CPT1C: variants seen among roughly 807,000 people sequenced by gnomAD.
CPT1C encodes carnitine palmitoyltransferase 1C, also known as palmitoyl thioesterase CPT1C.
Under a neutral mutation model 97.3 loss-of-function variants are expected in CPT1C, and 61 were observed. The ratio of observed to expected loss-of-function variants is 0.63; its 90% CI spans 0.51 to 0.78. CPT1C has a LOEUF of 0.78. Ranked by LOEUF, CPT1C falls within the 30% of genes least tolerant of loss-of-function variation. The pLI is 0.00. For missense variants in CPT1C, 975 were observed against 1,065.5 expected, an observed-to-expected ratio of 0.92 and a Z score of 1.18; for synonymous variants, 469 against 447.2, an observed-to-expected ratio of 1.05 and a Z score of -0.61.
chr19:49,693,003 C>T (rs535807588), intron 3 of CPT1C, among the ~76,000 whole-genome samples: 147 of 152,314 alleles, frequency 9.7e-4, no homozygotes, highest in Middle Eastern at 3.4e-3. Flanking sequence ...ATTCTCCTGC[C>T]TCAGCCTCCC....
intron 4 of CPT1C, chr19:49,697,869 G>A (rs1222675574): frequency 6.1e-6 from 1 of 162,626 alleles, no homozygotes; most frequent in African/African-American, 2.4e-5. Flanking sequence ...CCAACAGGGT[G>A]AAACCCTGTC....
At position 49,704,757 on chromosome 19, in the gene CPT1C, G is replaced by C. The variant is rs750408494; in HGVS notation, c.741G>C (p.Pro247=). The change falls in exon 8 of 20, where the codon CCG becomes CCC. Residue 247 remains proline (P), a synonymous_variant. Transcript: ENST00000598293. ...TTGTGTACCTGCGCTCCCGAAATCC[G>C]CTGATGGTGAACAGCAACTATTACA... ...EEFVYLRSRN[P]LMVNSNYYMM... is the part of the protein sequence containing the mutation. 1 of 1,613,984 alleles carries C rather than the reference G, an allele frequency of 6.2e-7. No homozygotes were observed. Among genetic ancestry groups the C allele is most frequent in the Non-Finnish European group, 8.5e-7 (1 of 1,179,978 alleles).
chr19:49,712,358 AAG>A (rs1458152783), intron 17 of CPT1C: 43 of 300,006 alleles, frequency 1.4e-4, no homozygotes, highest in African/African-American at 8.3e-4. Context: ...AAAAAAAAAA[AAG>A]GAGGGTGATG....
At position 49,710,351 on chromosome 19, in the gene CPT1C, G is replaced by T. The variant is rs199956487; in HGVS notation, c.1598G>T (p.Gly533Val). The change falls in exon 15 of 20, where the codon GGA (glycine) becomes GTA (valine). Residue 533 changes from glycine (G) to valine (V), a missense_variant. By Grantham distance (109) the Gly-to-Val change is moderately radical. This residue lies in a region of CPT1C where 344 missense variants were observed against 395.7 expected (regional missense o/e 0.87). Coordinates refer to ENST00000598293, the MANE Select transcript of CPT1C (RefSeq NM_001199753.2). ...IHSSISLALR[G>V]AKILSENVDC... ...TCCTCCATCTCTCTAGCCCTGAGGGGAGCCAAGATCTTGTCTGAAAATGTC... is the reference window on the plus strand; with the variant it reads ...TCCTCCATCTCTCTAGCCCTGAGGGTAGCCAAGATCTTGTCTGAAAATGTC... 1.2e-6 allele frequency: 2 copies of T among 1,614,122 alleles called. No homozygotes were observed. Among genetic ancestry groups the T allele is most frequent in the Middle Eastern group, 1.6e-4 (1 of 6,062 alleles).
At chr19:49,699,748 A>G (rs1263055860) in intron 4 of CPT1C, among the ~76,000 whole-genome samples, 1 of 152,152 alleles carries the variant, frequency 6.6e-6, no homozygotes, top group African/African-American at 2.4e-5. Flanking sequence ...TAAGGTCAGG[A>G]GTTCGAGAGC....
At position 49,704,696 on chromosome 19, in the gene CPT1C, C is replaced by G; in HGVS notation, c.694-14C>G. ...CCCAGCCCCTCACTGTGTGTCTCCC[C>G]ACCCCGCTCCCAGGTCAGTGACTGG... On this transcript the variant is annotated splice_polypyrimidine_tract_variant and intron_variant, in intron 7 of 19. Coordinates refer to ENST00000598293, the MANE Select transcript of CPT1C (RefSeq NM_001199753.2). 2 of 1,612,568 alleles carry G rather than the reference C, an allele frequency of 1.2e-6. No homozygotes were observed. The highest frequency in any genetic ancestry group is 1.7e-6 in the Non-Finnish European group (2 of 1,179,000).
chr19:49,696,851 T>C (rs12977747), intron 3 of CPT1C, among the ~76,000 whole-genome samples: 19,200 of 152,000 alleles, frequency 0.13, 1,441 homozygotes, highest in Non-Finnish European at 0.17. Flanking sequence ...AGGCCAGTCT[T>C]GAACTCCTGG....
In CPT1C at chr19:49,706,436, C is replaced by G; in HGVS notation, c.1343+23C>G. 6.9e-7 allele frequency: 1 copy of G among 1,440,258 alleles called. No individual in the cohort carries two copies. Among genetic ancestry groups the G allele is most frequent in the Non-Finnish European group, 9.1e-7 (1 of 1,104,116 alleles). The allele number at this position is 1,440,258 out of a possible 1,614,324, so 89.2% of individuals were successfully genotyped here. ...TCGGTGAGTGAGTCTTGGGATGGGG[C>G]CCCCAGATGTGGCACCCGAGAATCC... is the stretch of plus-strand genomic sequence containing the variant. On this transcript the variant is annotated intron_variant, in intron 12 of 19. Coordinates refer to ENST00000598293, the MANE Select transcript of CPT1C (RefSeq NM_001199753.2). The surrounding 1 kb of genome is among the most constrained non-coding windows in gnomAD (Gnocchi z 4.8).
At position 49,700,103 on chromosome 19, in the gene CPT1C, C is replaced by T. The variant is rs546406368; in HGVS notation, c.282-581C>T. ...TCTACTAAAAATAACAACAAATAGC[C>T]GGGCGTGGTGGTGGGCACCTGTATT... On this transcript the variant is annotated intron_variant, in intron 4 of 19. Transcript: ENST00000598293. Among the ~76,000 whole-genome samples, 221 of 148,346 alleles carry T rather than the reference C, an allele frequency of 1.5e-3. 1 individual carries two copies. Among genetic ancestry groups the T allele is most frequent in the South Asian group, 1.5e-3 (7 of 4,686 alleles).
chr19:49,707,148 G>A (rs2083546183), intron 12 of CPT1C, among the ~76,000 whole-genome samples: 2 of 152,140 alleles, frequency 1.3e-5, no homozygotes, highest in South Asian at 4.1e-4. Context: ...GGTGGTGCAT[G>A]CTTGTGATCC....
chr19:49,695,136 G>A (rs1225822229), intron 3 of CPT1C, among the ~76,000 whole-genome samples: 2 of 151,420 alleles, frequency 1.3e-5, no homozygotes, highest in African/African-American at 2.4e-5. Flanking sequence ...GCGAGACTCC[G>A]TCTCAAAAAA....
At chr19:49,711,155 A>G in intron 16 of CPT1C, 2 of 205,754 alleles carry the variant, frequency 9.7e-6, no homozygotes, top group Non-Finnish European at 9.7e-6. Context: ...GTGCAGTGGC[A>G]CAATCTCGGC....
In CPT1C at chr19:49,705,914, A is replaced by C; in HGVS notation, c.970A>C (p.Ile324Leu). 6.2e-7 allele frequency: 1 copy of C among 1,612,956 alleles called. No individual in the cohort carries two copies. Among genetic ancestry groups the C allele is most frequent in the Non-Finnish European group, 8.5e-7 (1 of 1,179,448 alleles). The change falls in exon 11 of 20, where the codon ATC (isoleucine) becomes CTC (leucine). Residue 324 changes from isoleucine (I) to leucine (L), a missense_variant. Physicochemically the swap from Ile to Leu is conservative, Grantham distance 5. Transcript: ENST00000598293. ...TRIPGVQKDYIRHLHDSQHVA... is the reference protein window; with the variant it reads ...TRIPGVQKDYLRHLHDSQHVA... ...TCTGCCAACGCCACCCCTAGACTACATCCGCCACCTCCATGACAGCCAACA... is the reference window on the plus strand; with the variant it reads ...TCTGCCAACGCCACCCCTAGACTACCTCCGCCACCTCCATGACAGCCAACA...
intron 3 of CPT1C, among the ~76,000 whole-genome samples, chr19:49,695,584 C>A (rs1276764614): frequency 1.1e-5 from 1 of 93,184 alleles, no homozygotes; most frequent in African/African-American, 5.4e-5. Flanking sequence ...TGCACCTGGC[C>A]TTTTTTTTTT....
intron 4 of CPT1C, among the ~76,000 whole-genome samples, chr19:49,699,034 C>T (rs1450963224): frequency 2.6e-5 from 4 of 151,704 alleles, no homozygotes; most frequent in African/African-American, 7.3e-5. Flanking sequence ...ACCTGGGAGG[C>T]GGAGCTTGCA....
At position 49,711,135 on chromosome 19, in the gene CPT1C, C is replaced by G. The variant is rs540936772; in HGVS notation, c.1866+278C>G. The G allele has an allele frequency of 2.9e-5, 7 of 240,918 alleles. No homozygotes were observed. The South Asian group carries it at 6.7e-4, about 23-fold the overall frequency. 14.9% of individuals were successfully genotyped at this position (240,918 alleles called of 1,614,324 possible). A position where few individuals can be genotyped will look rare whatever the true frequency, so the allele number is the denominator to read the frequency against. On this transcript the variant is annotated intron_variant, in intron 16 of 19. Transcript: ENST00000598293. ...TTGAGATGGAGTCTTGCTCTGTTGC[C>G]CAGGCTGGAGTGCAGTGGCACAATC... is the stretch of plus-strand genomic sequence containing the variant.
At position 49,705,061 on chromosome 19, in the gene CPT1C, G is replaced by A. The variant is rs1355411478; in HGVS notation, c.826G>A (p.Val276Ile). 10 of 1,612,988 alleles carry A rather than the reference G, an allele frequency of 6.2e-6. No individual in the cohort carries two copies. The highest frequency in any genetic ancestry group is 2.7e-5 in the African/African-American group (2 of 74,870). ...PLQAARAGNA[V>I]HALLLYRHRL... ...GCAGGCAGCTCGCGCTGGGAATGCC[G>A]TCCATGCCCTCCTCCTGTACCGCCA... The change falls in exon 9 of 20, where the codon GTC becomes ATC. Residue 276 changes from valine to isoleucine, a missense_variant. Transcript: ENST00000598293.
At chr19:49,707,460 C>T (rs1477403161) in intron 12 of CPT1C, 58 bp from the exon 13 acceptor site, 2 of 1,224,878 alleles carry the variant, frequency 1.6e-6, no homozygotes, top group Non-Finnish European at 2.4e-6. Flanking sequence ...CCACAGAAAG[C>T]ACTCTGAGGT....
rs1399204590 is a variant in CPT1C, at chr19:49,706,300, G to A, written c.1230G>A (p.Gly410=). 1.3e-6 allele frequency: 2 copies of A among 1,533,690 alleles called. No homozygotes were observed. The highest frequency in any genetic ancestry group is 2.8e-5 in the African/African-American group (2 of 70,380). ...CGGAGGCCCTGGAGGCGGTGGAAGG[G>A]GCCGCTTTCTTTGTGTCACTGGATG... The part of the protein sequence containing the change: ...QAAEALEAVE[G]AAFFVSLDAE... The change falls in exon 12 of 20, where the codon GGG becomes GGA. Residue 410 remains glycine, a synonymous_variant. Coordinates refer to ENST00000598293, the MANE Select transcript of CPT1C (RefSeq NM_001199753.2). This position sits in a 1 kb window ranked among gnomAD's most constrained non-coding sequence, Gnocchi z 4.8.
Sources: allele counts gnomAD v4.1 joint callset (sites outside exome capture counted in the v4.1 genomes callset), GRCh38; gene constraint gnomAD v4.1.1; regional missense constraint gnomAD v4.1.1; non-coding constraint Gnocchi (gnomAD v3.1); transcripts MANE v1.5; gene names NCBI Gene and HGNC (gene_info 2026-07-23, HGNC 2026-07-21).